Variants in ST3GAL1 observed in about 807,000 individuals in gnomAD.
ST3GAL1 encodes ST3 beta-galactoside alpha-2,3-sialyltransferase 1.
In ST3GAL1, 16 loss-of-function variants were observed where a neutral mutation model predicts 34.1. That is an observed-to-expected ratio of 0.47 (90% CI 0.32 to 0.71). The LOEUF is 0.71. ST3GAL1 is among the 30% of genes least tolerant of loss of function. The pLI is 0.04. For synonymous variants in ST3GAL1, 191 were observed against 184.7 expected (o/e 1.03, Z -0.28); for missense variants, 353 against 447.4 (o/e 0.79, Z 1.90).
intron 2 of ST3GAL1, among the ~76,000 whole-genome samples, chr8:133,501,125 C>T (rs1817138689): frequency 6.6e-6 from 1 of 152,070 alleles, no homozygotes; most frequent in African/African-American, 2.4e-5. Flanking sequence ...CTAAGCAAGG[C>T]CAGATGTGGG....
At chr8:133,515,043 T>C (rs1221903309) in intron 2 of ST3GAL1, among the ~76,000 whole-genome samples, 1 of 152,162 alleles carries the variant, frequency 6.6e-6, no homozygotes, top group Admixed American at 6.5e-5. Context: ...CCCTTCCTGA[T>C]GATGTCTTTG....
In ST3GAL1 at chr8:133,475,983, G is replaced by T. The variant is rs1816163686; in HGVS notation, c.42C>A (p.Phe14Leu). ...LRKRTLKVLT[F>L]LVLFIFLTSF... The stretch of plus-strand genomic sequence containing the variant: ...AGGTGAGGAAGATGAAGAGCACGAG[G>T]AAGGTGAGCACTTTCAGGGTCCTCT... The change falls in exon 5 of 10, where the codon TTC (phenylalanine) becomes TTA (leucine). Residue 14 changes from phenylalanine to leucine, a missense_variant. Transcript: ENST00000522652. 6.2e-7 allele frequency: 1 copy of T among 1,611,610 alleles called. No individual in the cohort carries two copies. Among genetic ancestry groups the T allele is most frequent in the South Asian group, 1.1e-5 (1 of 90,730 alleles).
At chr8:133,517,366 T>C (rs1039408747) in intron 2 of ST3GAL1, among the ~76,000 whole-genome samples, 1 of 152,204 alleles carries the variant, frequency 6.6e-6, no homozygotes, top group Non-Finnish European at 1.5e-5. Flanking sequence ...ATTATTTTTT[T>C]TGAGACAGAG....
chr8:133,484,231 C>T (rs1438946938), intron 3 of ST3GAL1, among the ~76,000 whole-genome samples: 1 of 152,150 alleles, frequency 6.6e-6, no homozygotes, highest in Non-Finnish European at 1.5e-5. Flanking sequence ...GGGTAGGGAC[C>T]TCGTCTACCT....
chr8:133,531,807 A>AG (rs1350626066), intron 2 of ST3GAL1, among the ~76,000 whole-genome samples: 21 of 61,886 alleles, frequency 3.4e-4, no homozygotes, highest in Admixed American at 8.4e-4. Flanking sequence ...CCCGAAACTT[A>AG]AAAACAGAAA....
rs112708766 is a variant in ST3GAL1 at position 133,535,525 on chromosome 8, A to ATTTTTTTTTTTTTTTTTT, written c.-429+10248_-429+10249insAAAAAAAAAAAAAAAAAA. ...TTTTTTAGCAAGAAAGTATTTTTTA[A>ATTTTTTTTTTTTTTTTTT]TTTTTTTTTTTAGAAACAAGGTCTC... On this transcript the variant is annotated intron_variant, in intron 2 of 9. Coordinates refer to ENST00000522652, the MANE Select transcript of ST3GAL1 (RefSeq NM_173344.3). 2.1e-4 allele frequency among the ~76,000 whole-genome samples: 30 copies of ATTTTTTTTTTTTTTTTTT among 145,018 alleles called. 3 individuals are homozygous for ATTTTTTTTTTTTTTTTTT. The highest frequency in any genetic ancestry group is 7.6e-4 in the African/African-American group (28 of 36,758).
intron 2 of ST3GAL1, among the ~76,000 whole-genome samples, chr8:133,531,951 C>A (rs4637803): frequency 6.6e-6 from 1 of 151,576 alleles, no homozygotes; most frequent in Non-Finnish European, 1.5e-5. Context: ...CATAATGAGA[C>A]GAAGGCTTCA....
intron 2 of ST3GAL1, among the ~76,000 whole-genome samples, chr8:133,531,679 A>C (rs759318046): frequency 3.9e-5 from 6 of 152,092 alleles, no homozygotes; most frequent in Admixed American, 6.6e-5. Context: ...GGGGAGGGAG[A>C]GCATTAGGAC....
intron 3 of ST3GAL1, among the ~76,000 whole-genome samples, chr8:133,496,779 G>A (rs1390609079): frequency 2.6e-5 from 4 of 152,238 alleles, no homozygotes; most frequent in Admixed American, 1.3e-4. Context: ...CCTGAACTCA[G>A]GTATGCTGAT....
chr8:133,541,220 C>T (rs1403003483), intron 2 of ST3GAL1, among the ~76,000 whole-genome samples: 1 of 149,472 alleles, frequency 6.7e-6, no homozygotes, highest in Non-Finnish European at 1.5e-5. Flanking sequence ...GTGCCTGGCA[C>T]AGAAGAAGCT....
rs1276381340 is a variant in ST3GAL1, at chr8:133,556,173, G to C, written c.-581-10247C>G. ...GGCCTCCCAAAGTGCTAGGATTGCA[G>C]GCATGAGCCACCATGCCCAGCTTGT... On this transcript the variant is annotated intron_variant, in intron 1 of 9. Transcript: ENST00000522652. This position sits in a 1 kb window ranked among gnomAD's most constrained non-coding sequence, Gnocchi z 8.9. 1.3e-5 allele frequency among the ~76,000 whole-genome samples: 2 copies of C among 152,268 alleles called. No individual in the cohort carries two copies. Among genetic ancestry groups the C allele is most frequent in the Non-Finnish European group, 2.9e-5 (2 of 68,018 alleles).
At chr8:133,499,778 G>A (rs72720224) in intron 2 of ST3GAL1, among the ~76,000 whole-genome samples, 1,585 of 152,288 alleles carry the variant, frequency 0.01, 20 homozygotes, top group Non-Finnish European at 0.015. Flanking sequence ...GCAGCTCGGC[G>A]TACTAAGGGG....
intron 1 of ST3GAL1, among the ~76,000 whole-genome samples, chr8:133,568,318 G>T (rs1819467787): frequency 6.6e-6 from 1 of 152,202 alleles, no homozygotes; most frequent in Non-Finnish European, 1.5e-5. Flanking sequence ...GGACTCAAAT[G>T]CAGGCTCTCA....
At chr8:133,476,136 C>T in intron 4 of ST3GAL1, 62 bp from the exon 5 acceptor site, 1 of 1,245,000 alleles carries the variant, frequency 8.0e-7, no homozygotes. Flanking sequence ...AAAGGGATGG[C>T]AGGAATTCCA....
chr8:133,537,097 A>G (rs1818333970), intron 2 of ST3GAL1, among the ~76,000 whole-genome samples: 1 of 152,184 alleles, frequency 6.6e-6, no homozygotes, highest in African/African-American at 2.4e-5. Flanking sequence ...ACTTCTGACC[A>G]ACTGGCTTCA....
intron 2 of ST3GAL1, among the ~76,000 whole-genome samples, chr8:133,533,856 G>A (rs1818226578): frequency 6.6e-6 from 1 of 152,210 alleles, no homozygotes; most frequent in South Asian, 2.1e-4. Flanking sequence ...GCAACACGGT[G>A]GTGTTTGTGA....
rs1815783093 is a variant in ST3GAL1, at chr8:133,467,356, G to A, written c.307-1266C>T. Among the ~76,000 whole-genome samples the A allele has an allele frequency of 6.6e-6, 1 of 152,194 alleles. No individual in the cohort carries two copies. Among genetic ancestry groups the A allele is most frequent in the South Asian group, 2.1e-4 (1 of 4,834 alleles). ...ACACTATGTAGTGATGCCTGTTGGTGCCTCAGCCTTCCTCACTCGTGGTAA... is the reference window on the plus strand; with the variant it reads ...ACACTATGTAGTGATGCCTGTTGGTACCTCAGCCTTCCTCACTCGTGGTAA... On this transcript the variant is annotated intron_variant, in intron 5 of 9. Coordinates refer to ENST00000522652, the MANE Select transcript of ST3GAL1 (RefSeq NM_173344.3). The surrounding 1 kb of genome is among the most constrained non-coding windows in gnomAD (Gnocchi z 4.2).
intron 2 of ST3GAL1, among the ~76,000 whole-genome samples, chr8:133,542,757 G>A (rs972190189): frequency 6.9e-6 from 1 of 144,372 alleles, no homozygotes; most frequent in African/African-American, 2.6e-5. Flanking sequence ...TTCCAGCCTG[G>A]GTGAAAGTAA....
chr8:133,474,626 C>G (rs1425598337), intron 5 of ST3GAL1, among the ~76,000 whole-genome samples: 1 of 152,144 alleles, frequency 6.6e-6, no homozygotes, highest in African/African-American at 2.4e-5. Flanking sequence ...GCCCCCCAGC[C>G]ATGCAGAGCT....
Sources: gnomAD v4.1 joint callset for allele counts (sites outside exome capture counted in the v4.1 genomes callset) on GRCh38, gnomAD v4.1.1 for gene constraint, Gnocchi (gnomAD v3.1) non-coding constraint, MANE v1.5 for transcripts, NCBI Gene and HGNC (gene_info 2026-07-23, HGNC 2026-07-21) for gene names.